Variants in GLI3 observed in about 807,000 individuals in gnomAD.
GLI3 encodes the protein GLI family zinc finger 3.
GLI3 carries 20 observed loss-of-function variants against 100.8 expected under a neutral mutation model. That is an observed-to-expected ratio of 0.20 (90% confidence interval 0.14 to 0.29). The LOEUF (loss-of-function observed/expected upper bound fraction) is 0.29. Ranked by LOEUF, GLI3 falls within the 10% of genes least tolerant of loss-of-function variation. The probability of loss-of-function intolerance (pLI) is 1.00; values close to 1 mark genes in which losing one functional copy is unlikely to be tolerated. For missense variants in GLI3, 2,040 were observed against 2,128.5 expected (o/e 0.96, Z 0.82); for synonymous variants, 938 against 860.5 (o/e 1.09, Z -1.58).
At chr7:41,983,278 G>C (rs764717564) in intron 10 of GLI3, among the ~76,000 whole-genome samples, 2 of 152,172 alleles carry the variant, frequency 1.3e-5, no homozygotes, top group African/African-American at 2.4e-5. Context: ...AGAAAAGGCA[G>C]TAGGAAGGAC....
chr7:42,086,466 C>G (rs1305820500), intron 3 of GLI3, among the ~76,000 whole-genome samples: 1 of 152,124 alleles, frequency 6.6e-6, no homozygotes, highest in East Asian at 1.9e-4. Flanking sequence ...CCTCCCTTCT[C>G]CCAAAATGTA....
intron 1 of GLI3, among the ~76,000 whole-genome samples, chr7:42,234,326 T>C (rs546449472): frequency 6.6e-6 from 1 of 152,150 alleles, no homozygotes; most frequent in Non-Finnish European, 1.5e-5. Flanking sequence ...ATACCTTACA[T>C]AGGAGGAAGG....
At chr7:42,180,552 G>A (rs894259223) in intron 2 of GLI3, among the ~76,000 whole-genome samples, 5 of 152,206 alleles carry the variant, frequency 3.3e-5, no homozygotes, top group African/African-American at 7.2e-5. Context: ...GCGGGAGAGA[G>A]GTGGAGTGAT....
intron 7 of GLI3, among the ~76,000 whole-genome samples, chr7:42,030,696 GT>G (rs201325272): frequency 0.34 from 45,831 of 133,288 alleles, 8,122 homozygotes; most frequent in African/African-American, 0.55. Flanking sequence ...TTGTTGATTT[GT>G]TTTTTTTTTT....
chr7:42,074,074 G>A (rs933873879), intron 4 of GLI3, among the ~76,000 whole-genome samples: 4 of 152,196 alleles, frequency 2.6e-5, no homozygotes, highest in African/African-American at 9.7e-5. Context: ...TCATAACTGA[G>A]CAAGGGCAGA....
intron 2 of GLI3, among the ~76,000 whole-genome samples, chr7:42,198,823 A>G (rs1188786594): frequency 6.6e-6 from 1 of 152,128 alleles, no homozygotes; most frequent in Non-Finnish European, 1.5e-5. Flanking sequence ...ACTCTCTTGC[A>G]GAAAAAAAAT....
intron 3 of GLI3, among the ~76,000 whole-genome samples, chr7:42,102,857 G>A (rs1466911923): frequency 6.6e-6 from 1 of 152,170 alleles, no homozygotes; most frequent in Non-Finnish European, 1.5e-5. Flanking sequence ...TGCCATCTCA[G>A]TTCGCCGGTC....
At chr7:42,047,133 G>T (rs924837502) in intron 5 of GLI3, among the ~76,000 whole-genome samples, 1 of 152,128 alleles carries the variant, frequency 6.6e-6, no homozygotes, top group Admixed American at 6.5e-5. Context: ...TCCAGCCTGG[G>T]GAACAAAGTG....
At chr7:42,028,445 A>G (rs1789185122) in intron 7 of GLI3, among the ~76,000 whole-genome samples, 1 of 152,118 alleles carries the variant, frequency 6.6e-6, no homozygotes, top group Non-Finnish European at 1.5e-5. Context: ...GCATTCACAG[A>G]CGGATAAGGG....
chr7:42,156,002 A>G (rs1006840368), intron 2 of GLI3, among the ~76,000 whole-genome samples: 1 of 152,124 alleles, frequency 6.6e-6, no homozygotes, highest in Non-Finnish European at 1.5e-5. Context: ...GCTTCTGAAC[A>G]CTGATGACGA....
intron 10 of GLI3, among the ~76,000 whole-genome samples, chr7:41,998,541 TCTAA>T (rs1788196371): frequency 4.6e-5 from 7 of 152,178 alleles, no homozygotes; most frequent in Admixed American, 4.6e-4. Flanking sequence ...AAATTTCACC[TCTAA>T]CTTTTAACAC....
In GLI3 at chr7:41,962,550, G is replaced by A. The variant is rs886062319; in HGVS notation, c.*1780C>T. The A allele has an allele frequency of 3.9e-5, 6 of 152,212 alleles. No homozygotes were observed. The highest frequency in any genetic ancestry group is 5.9e-5 in the Non-Finnish European group (4 of 68,044). The allele number at this position is 152,212 out of a possible 1,614,324, so 9.4% of individuals were successfully genotyped here. A position where few individuals can be genotyped will look rare whatever the true frequency, so the allele number is the denominator to read the frequency against. ...CAGCAGGCATGGAAGGGGAATTGCAGTGTCCCTCTGCTTGTCTCAGGAACA... is the reference window on the plus strand; with the variant it reads ...CAGCAGGCATGGAAGGGGAATTGCAATGTCCCTCTGCTTGTCTCAGGAACA... On this transcript the variant is annotated 3_prime_UTR_variant, in exon 15 of 15. Transcript: ENST00000395925.
intron 1 of GLI3, among the ~76,000 whole-genome samples, chr7:42,247,535 A>G (rs1239750262): frequency 6.6e-6 from 1 of 152,190 alleles, no homozygotes; most frequent in African/African-American, 2.4e-5. Flanking sequence ...AGAATGCAAA[A>G]TATTCCATTC....
chr7:42,124,322 A>G (rs1268875879), intron 3 of GLI3, among the ~76,000 whole-genome samples: 1 of 152,176 alleles, frequency 6.6e-6, no homozygotes, highest in Non-Finnish European at 1.5e-5. Context: ...TATTTTAAAG[A>G]TTATTTCAAA....
intron 7 of GLI3, among the ~76,000 whole-genome samples, chr7:42,031,354 G>A (rs912620409): frequency 6.6e-6 from 1 of 152,232 alleles, no homozygotes; most frequent in Non-Finnish European, 1.5e-5. Flanking sequence ...TCAGTAGAAA[G>A]AAAGTGTTAG....
In GLI3 at chr7:41,967,853, T is replaced by G. The variant is rs749807129; in HGVS notation, c.2174A>C (p.Asn725Thr). ...SQQSPISNYS[N>T]SGLELPLTDG... The stretch of plus-strand genomic sequence containing the variant: ...GGTCAGAGGAAGCTCGAGCCCACTG[T>G]TGGAATAGTTGCTGATGGGGGACTG... The change falls in exon 14 of 15, where the codon AAC becomes ACC. Residue 725 changes from asparagine to threonine, a missense_variant. This residue lies in a region of GLI3 where 327 missense variants were observed against 338.7 expected (regional missense o/e 0.97). Coordinates refer to ENST00000395925, the MANE Select transcript of GLI3 (RefSeq NM_000168.6). 25 of 1,613,870 alleles carry G rather than the reference T, an allele frequency of 1.5e-5. No homozygotes were observed. The African/African-American group carries it at 2.9e-4, about 19-fold the overall frequency.
chr7:42,134,543 A>C (rs1256733352), intron 3 of GLI3, among the ~76,000 whole-genome samples: 1 of 152,122 alleles, frequency 6.6e-6, no homozygotes, highest in Admixed American at 6.5e-5. Context: ...AGTTTATTAG[A>C]TTTTGGGGAC....
chr7:42,205,912 C>CAGCAGCG (rs1788141738), intron 2 of GLI3, among the ~76,000 whole-genome samples: 2 of 152,144 alleles, frequency 1.3e-5, no homozygotes, highest in African/African-American at 4.8e-5. Flanking sequence ...ACTAAGATTG[C>CAGCAGCG]TTCCCACAGC....
At chr7:42,014,205 A>G (rs2128726788) in intron 10 of GLI3, among the ~76,000 whole-genome samples, 1 of 152,258 alleles carries the variant, frequency 6.6e-6, no homozygotes, top group South Asian at 2.1e-4. Context: ...CCTCTCATCA[A>G]AAGCATTTAA....
Sources: gnomAD v4.1 joint callset for allele counts (sites outside exome capture counted in the v4.1 genomes callset) on GRCh38, gnomAD v4.1.1 for gene constraint, gnomAD v4.1.1 regional missense constraint, MANE v1.5 for transcripts, NCBI Gene and HGNC (gene_info 2026-07-23, HGNC 2026-07-21) for gene names.